Variants in EXOC6B observed in about 807,000 individuals in gnomAD.
The protein encoded by EXOC6B is exocyst complex component 6B.
In EXOC6B, 54 loss-of-function variants were observed where a neutral mutation model predicts 113.5. That is an observed-to-expected ratio of 0.48 (90% CI 0.38 to 0.60). The LOEUF (loss-of-function observed/expected upper bound fraction) is 0.60, where lower values mean the gene tolerates loss of function less well. Ranked by LOEUF, EXOC6B falls within the 20% of genes least tolerant of loss-of-function variation. The probability of loss-of-function intolerance (pLI) is 0.00; values close to 1 mark genes in which losing one functional copy is unlikely to be tolerated. For synonymous variants in EXOC6B, 357 were observed against 339.0 expected (o/e 1.05, Z -0.58); for missense variants, 797 against 977.5 (o/e 0.82, Z 2.46).
rs937933301 is a variant in EXOC6B at position 72,419,006 on chromosome 2, A to G, written c.1981-39136T>C. Among the ~76,000 whole-genome samples the G allele has an allele frequency of 1.8e-4, 28 of 152,054 alleles. 1 individual carries two copies. Among genetic ancestry groups the G allele is most frequent in the Non-Finnish European group, 7.4e-5 (5 of 67,988 alleles). On this transcript the variant is annotated intron_variant, in intron 18 of 21. Transcript: ENST00000272427. The stretch of plus-strand genomic sequence containing the variant: ...GAGCTATTTTCTTTGTGGTTATAAT[A>G]TAGGTTATGTTTAACATCCTAAAGT...
chr2:72,716,572 C>A (rs1336989907), intron 6 of EXOC6B, among the ~76,000 whole-genome samples: 4 of 152,092 alleles, frequency 2.6e-5, no homozygotes, highest in Non-Finnish European at 5.9e-5. Context: ...TTCATCATTT[C>A]TTTATATGAC....
rs11885723 is a variant in EXOC6B at position 72,629,294 on chromosome 2, G to A, written c.670-53626C>T. 1.0e-2 allele frequency among the ~76,000 whole-genome samples: 1,518 copies of A among 152,180 alleles called. 40 individuals carry two copies. The highest frequency in any genetic ancestry group is 0.035 in the African/African-American group (1,464 of 41,512). Reference sequence around the variant, plus strand: ...GAGCAGTACTATTCATACAGCCTTGGCTTTTTTGAATAACCACATTGCAGT... The same window carrying A: ...GAGCAGTACTATTCATACAGCCTTGACTTTTTTGAATAACCACATTGCAGT... On this transcript the variant is annotated intron_variant, in intron 6 of 21. Coordinates refer to ENST00000272427, the MANE Select transcript of EXOC6B (RefSeq NM_015189.3).
At chr2:72,181,102 G>A (rs1016080053) in intron 21 of EXOC6B, among the ~76,000 whole-genome samples, 13 of 151,598 alleles carry the variant, frequency 8.6e-5, no homozygotes, top group African/African-American at 1.7e-4. Flanking sequence ...CCAGCTATTC[G>A]AGAGGCTGAG....
chr2:72,631,181 T>C (rs1477052583), intron 6 of EXOC6B, among the ~76,000 whole-genome samples: 1 of 126,794 alleles, frequency 7.9e-6, no homozygotes, highest in East Asian at 2.9e-4. Context: ...TGTAGATGTA[T>C]GCAAGTGTGC....
At chr2:72,366,024 C>T (rs1214292835) in intron 19 of EXOC6B, among the ~76,000 whole-genome samples, 1 of 152,014 alleles carries the variant, frequency 6.6e-6, no homozygotes, top group Non-Finnish European at 1.5e-5. Flanking sequence ...AACACAGCAT[C>T]CAACAATATG....
chr2:72,712,270 T>C (rs904476360), intron 6 of EXOC6B, among the ~76,000 whole-genome samples: 24 of 152,180 alleles, frequency 1.6e-4, no homozygotes, highest in Non-Finnish European at 2.8e-4. Context: ...TAGTTTTCTT[T>C]TCCTGGGTAA....
chr2:72,650,731 A>G (rs947872176), intron 6 of EXOC6B, among the ~76,000 whole-genome samples: 6 of 152,180 alleles, frequency 3.9e-5, no homozygotes, highest in African/African-American at 1.4e-4. Flanking sequence ...AAGATGTTCA[A>G]CATCACTACA....
intron 1 of EXOC6B, among the ~76,000 whole-genome samples, chr2:72,797,603 T>C (rs1685034655): frequency 6.6e-6 from 1 of 152,066 alleles, no homozygotes; most frequent in South Asian, 2.1e-4. Flanking sequence ...CACTTGAGGT[T>C]GGGCGCTTGA....
At chr2:72,341,211 G>A (rs1228319943) in intron 19 of EXOC6B, among the ~76,000 whole-genome samples, 2 of 151,978 alleles carry the variant, frequency 1.3e-5, no homozygotes, top group Non-Finnish European at 1.5e-5. Context: ...GAAAGACAGG[G>A]GGCTGTAGGA....
chr2:72,242,622 T>G (rs963055180), intron 20 of EXOC6B, among the ~76,000 whole-genome samples: 7 of 152,198 alleles, frequency 4.6e-5, no homozygotes, highest in African/African-American at 1.7e-4. Context: ...TGGTAGATAT[T>G]AATCCAACAA....
Position 72,334,998 on chromosome 2 carries a change from C to T in EXOC6B, c.2145G>A (p.Val715=). The change falls in exon 20 of 22, where the codon GTG becomes GTA. Residue 715 remains valine (V), a synonymous_variant. Coordinates refer to ENST00000272427, the MANE Select transcript of EXOC6B (RefSeq NM_015189.3). The part of the protein sequence containing the change: ...ECEQFARSGP[V]PGFQEDTLQL... ...GCAGCGTGTCCTCCTGGAACCCAGG[C>T]ACCGGGCCGGATCTGGCAAACTCTG... 6.2e-7 allele frequency: 1 copy of T among 1,613,388 alleles called. No individual in the cohort carries two copies. The highest frequency in any genetic ancestry group is 1.3e-5 in the African/African-American group (1 of 74,970).
chr2:72,448,928 A>T (rs938819279), intron 18 of EXOC6B, among the ~76,000 whole-genome samples: 1 of 152,212 alleles, frequency 6.6e-6, no homozygotes, highest in Non-Finnish European at 1.5e-5. Flanking sequence ...AGAGAGTGTC[A>T]TTAGCACTCT....
At chr2:72,558,865 T>A (rs938210073) in intron 8 of EXOC6B, among the ~76,000 whole-genome samples, 3 of 152,068 alleles carry the variant, frequency 2.0e-5, no homozygotes, top group African/African-American at 7.2e-5. Flanking sequence ...CAACCTGATA[T>A]AAGCATCACT....
chr2:72,718,405 T>C (rs1558946191), intron 5 of EXOC6B, 98 bp from the exon 6 acceptor site: 2 of 816,706 alleles, frequency 2.4e-6, no homozygotes, highest in East Asian at 5.3e-5. Flanking sequence ...TTAACACAAA[T>C]CCAGCATGAA....
intron 6 of EXOC6B, among the ~76,000 whole-genome samples, chr2:72,713,426 T>C (rs1679394915): frequency 6.6e-6 from 1 of 152,156 alleles, no homozygotes; most frequent in Non-Finnish European, 1.5e-5. Context: ...ACAAATTCTT[T>C]TTTTTTTCTT....
At chr2:72,246,066 T>A (rs1682635984) in intron 20 of EXOC6B, among the ~76,000 whole-genome samples, 1 of 152,200 alleles carries the variant, frequency 6.6e-6, no homozygotes, top group Non-Finnish European at 1.5e-5. Flanking sequence ...TTTTACTTTT[T>A]TACATAGGGA....
At chr2:72,335,548 G>GCACACACACA (rs70963124) in intron 19 of EXOC6B, among the ~76,000 whole-genome samples, 9 of 134,914 alleles carry the variant, frequency 6.7e-5, no homozygotes, top group African/African-American at 2.4e-4. Context: ...CTGCATTATT[G>GCACACACACA]CACACACACA....
At chr2:72,215,782 G>A (rs1420614006) in intron 20 of EXOC6B, among the ~76,000 whole-genome samples, 1 of 152,054 alleles carries the variant, frequency 6.6e-6, no homozygotes, top group African/African-American at 2.4e-5. Context: ...AACAGGGGAG[G>A]AGACCAGAAA....
At chr2:72,270,407 T>G (rs1034886010) in intron 20 of EXOC6B, among the ~76,000 whole-genome samples, 21 of 152,152 alleles carry the variant, frequency 1.4e-4, no homozygotes, top group African/African-American at 4.6e-4. Flanking sequence ...CTTCTCTCTA[T>G]AATAGGGACA....
Sources: allele counts gnomAD v4.1 joint callset (sites outside exome capture counted in the v4.1 genomes callset), GRCh38; gene constraint gnomAD v4.1.1; transcripts MANE v1.5; gene names NCBI Gene and HGNC (gene_info 2026-07-23, HGNC 2026-07-21).